ZNF782: variants seen among roughly 807,000 people sequenced by gnomAD.
ZNF782 encodes zinc finger protein 782.
Under a neutral mutation model 13.0 loss-of-function variants are expected in ZNF782, and 12 were observed. That is an observed-to-expected ratio of 0.92 (90% CI 0.59 to 1.50). ZNF782 has a LOEUF of 1.50. Among genes scored for constraint, ZNF782 ranks in the 40% most tolerant of loss-of-function variants. The pLI, the probability that ZNF782 is intolerant of heterozygous loss-of-function variation, is 0.00. For missense variants in ZNF782, 770 were observed against 822.9 expected, an observed-to-expected ratio of 0.94 and a Z score of 0.79; for synonymous variants, 284 against 283.0, an observed-to-expected ratio of 1.00 and a Z score of -0.04.
At chr9:96,826,465 G>A (rs2118444293) in intron 5 of ZNF782, among the ~76,000 whole-genome samples, 1 of 152,208 alleles carries the variant, frequency 6.6e-6, no homozygotes, top group African/African-American at 2.4e-5. Context: ...TGAGTTAGTG[G>A]GTGCAGCGCA....
At position 96,818,753 on chromosome 9, in the gene ZNF782, AT is replaced by A; in HGVS notation, c.1269del (p.Lys423AsnfsTer15). 6.2e-7 allele frequency: 1 copy of A among 1,613,964 alleles called. No homozygotes were observed. The highest frequency in any genetic ancestry group is 1.1e-5 in the South Asian group (1 of 91,066). On this transcript the variant is annotated frameshift_variant, in exon 6 of 6. Transcript: ENST00000481138. LOFTEE classifies it low-confidence loss of function (END_TRUNC). ...QRTHTGEKPY[K>X]CDGCDKAFSA... ...CTGAAAGCTTTATCACATCCATCAC[AT>A]TTGTATGGTTTCTCTCCCGTGTGAG...
intron 1 of ZNF782, among the ~76,000 whole-genome samples, chr9:96,870,391 A>G (rs185198014): frequency 6.6e-6 from 1 of 152,280 alleles, no homozygotes; most frequent in Admixed American, 6.5e-5. Flanking sequence ...GGGTTATATA[A>G]CATCTGAACC....
At chr9:96,922,555 G>C in the ZNF782 span, among the ~76,000 whole-genome samples, 73 of 152,290 alleles carry the variant, frequency 4.8e-4, no homozygotes, top group African/African-American at 1.6e-3. Flanking sequence ...GGCGGATCAC[G>C]AGGTCAGGAG....
At chr9:96,899,199 T>G in the ZNF782 span, among the ~76,000 whole-genome samples, 583 of 151,574 alleles carry the variant, frequency 3.8e-3, 13 homozygotes, top group Admixed American at 0.033. Flanking sequence ...TAAAGTGAGC[T>G]GAGATCACGC....
chr9:96,875,688 T>A, upstream of ZNF782: 2 of 442,426 alleles, frequency 4.5e-6, no homozygotes, highest in South Asian at 1.6e-5. Context: ...CGTGAGGGGG[T>A]CGATCCTGGG....
the ZNF782 span, among the ~76,000 whole-genome samples, chr9:96,930,896 T>C: frequency 1.2e-5 from 1 of 85,158 alleles, no homozygotes; most frequent in African/African-American, 6.9e-5. Flanking sequence ...TTTTTTTTTT[T>C]TTTTTTTTTT....
At chr9:96,884,157 G>C in the ZNF782 span, among the ~76,000 whole-genome samples, 7 of 152,212 alleles carry the variant, frequency 4.6e-5, 1 homozygote, top group African/African-American at 7.2e-5. Flanking sequence ...TCCTCTGCCT[G>C]GCAGAAGTGG....
upstream of ZNF782, among the ~76,000 whole-genome samples, chr9:96,856,551 A>T (rs953330747): frequency 6.6e-6 from 1 of 152,254 alleles, no homozygotes; most frequent in Non-Finnish European, 1.5e-5. Context: ...AGCTATTTAG[A>T]TAAACTCCTC....
the ZNF782 span, among the ~76,000 whole-genome samples, chr9:96,901,869 C>CAAAAAA: frequency 1.7e-5 from 1 of 59,602 alleles, no homozygotes. Flanking sequence ...AACTCTGTCT[C>CAAAAAA]AAAAAAAAAA....
At chr9:96,906,831 G>C in the ZNF782 span, among the ~76,000 whole-genome samples, 1 of 152,292 alleles carries the variant, frequency 6.6e-6, no homozygotes, top group Non-Finnish European at 1.5e-5. Flanking sequence ...TGGGGCTAGG[G>C]CCAAAAGTCC....
At chr9:96,915,889 T>C in the ZNF782 span, among the ~76,000 whole-genome samples, 1 of 144,336 alleles carries the variant, frequency 6.9e-6, no homozygotes, top group African/African-American at 2.5e-5. Context: ...TATATACAAA[T>C]ATGTATCATA....
chr9:96,899,238 G>C, the ZNF782 span, among the ~76,000 whole-genome samples: 3 of 151,494 alleles, frequency 2.0e-5, no homozygotes, highest in African/African-American at 7.3e-5. Flanking sequence ...GTGACAGAGT[G>C]AGACTCCATC....
intron 4 of ZNF782, among the ~76,000 whole-genome samples, chr9:96,842,607 T>C (rs1050195960): frequency 6.6e-6 from 1 of 151,986 alleles, no homozygotes; most frequent in Non-Finnish European, 1.5e-5. Flanking sequence ...GTAAAATATA[T>C]TACACAATTT....
rs187686591 is a variant in ZNF782 at position 96,826,083 on chromosome 9, T to C, written c.244+997A>G. Among the ~76,000 whole-genome samples the C allele has an allele frequency of 2.3e-3, 343 of 152,336 alleles. 2 individuals carry two copies. The highest frequency in any genetic ancestry group is 7.8e-3 in the African/African-American group (323 of 41,560). Reference sequence around the variant, plus strand: ...CAAAGGACTATAAATCATGCTGTTATAAAGACACATGCACATGTATGTTTA... The same window carrying C: ...CAAAGGACTATAAATCATGCTGTTACAAAGACACATGCACATGTATGTTTA... On this transcript the variant is annotated intron_variant, in intron 5 of 5. Coordinates refer to ENST00000481138, the MANE Select transcript of ZNF782 (RefSeq NM_001001662.3).
In ZNF782 at chr9:96,875,442, G is replaced by A. The variant is rs1418852008; in HGVS notation, c.-457+26C>T. ...TTTTCAGGCGAGAAACCTCTTACCC[G>A]GTTCCCGCCCTCGCCCCCCGCTTAC... On this transcript the variant is annotated intron_variant, in intron 1 of 5. Transcript: ENST00000498811. The A allele has an allele frequency of 1.8e-5, 8 of 456,486 alleles. No homozygotes were observed. The East Asian group carries it at 4.2e-4, about 24-fold the overall frequency. 28.3% of individuals were successfully genotyped at this position (456,486 alleles called of 1,614,324 possible).
the ZNF782 span, among the ~76,000 whole-genome samples, chr9:96,930,872 G>GTTTTTT: frequency 9.1e-4 from 66 of 72,722 alleles, 14 homozygotes; most frequent in East Asian, 4.8e-3. Flanking sequence ...CCATCCAGTG[G>GTTTTTT]TTTTTTTTTT....
intron 4 of ZNF782, among the ~76,000 whole-genome samples, chr9:96,840,122 TAAAG>T (rs1413073155): frequency 6.6e-6 from 1 of 152,186 alleles, no homozygotes; most frequent in African/African-American, 2.4e-5. Context: ...CTATTTTATT[TAAAG>T]CCCTCAATGA....
intron 5 of ZNF782, among the ~76,000 whole-genome samples, chr9:96,825,391 A>C (rs1018913521): frequency 2.0e-4 from 30 of 151,890 alleles, no homozygotes; most frequent in Non-Finnish European, 4.0e-4. Context: ...CTTACACCTT[A>C]TACAAAAATC....
At chr9:96,884,704 C>T in the ZNF782 span, among the ~76,000 whole-genome samples, 1 of 152,126 alleles carries the variant, frequency 6.6e-6, no homozygotes, top group Non-Finnish European at 1.5e-5. Context: ...TTCACCCCAC[C>T]CATCTGCAAC....
Sources: allele counts gnomAD v4.1 joint callset (sites outside exome capture counted in the v4.1 genomes callset), GRCh38; gene constraint gnomAD v4.1.1; transcripts MANE v1.5; gene names NCBI Gene and HGNC (gene_info 2026-07-23, HGNC 2026-07-21).